Variants in ENTREP2 observed in about 807,000 individuals in gnomAD.
The protein encoded by ENTREP2 is protein ENTREP2.
At chr15:29,269,064 T>A in the ENTREP2 span, 1 of 1,614,068 alleles carries the variant, frequency 6.2e-7, no homozygotes, top group Non-Finnish European at 8.5e-7. Context: ...CTCCGAAAAT[T>A]AAATGCTTCT....
the ENTREP2 span, among the ~76,000 whole-genome samples, chr15:29,130,332 G>A: frequency 6.6e-6 from 1 of 152,200 alleles, no homozygotes; most frequent in Non-Finnish European, 1.5e-5. Context: ...GCACCCACCT[G>A]CTTTTTCACT....
At chr15:29,219,823 A>G in the ENTREP2 span, among the ~76,000 whole-genome samples, 1 of 151,398 alleles carries the variant, frequency 6.6e-6, no homozygotes, top group African/African-American at 2.4e-5. Flanking sequence ...ATGAGGATGC[A>G]AAGGTGTAAG....
the ENTREP2 span, chr15:29,268,769 G>T: frequency 8.9e-6 from 14 of 1,577,616 alleles, no homozygotes; most frequent in Non-Finnish European, 1.2e-5. Context: ...CCTTGTCCCG[G>T]GGGTCCCTCT....
chr15:29,145,582 C>T, the ENTREP2 span, among the ~76,000 whole-genome samples: 6 of 140,252 alleles, frequency 4.3e-5, no homozygotes, highest in Non-Finnish European at 1.5e-5. Flanking sequence ...GAGATTATAC[C>T]ACTGCACTCC....
At chr15:29,350,333 A>G in the ENTREP2 span, among the ~76,000 whole-genome samples, 1 of 152,022 alleles carries the variant, frequency 6.6e-6, no homozygotes, top group Non-Finnish European at 1.5e-5. Flanking sequence ...TCTTGTTTAT[A>G]TTATTTTCCT....
the ENTREP2 span, among the ~76,000 whole-genome samples, chr15:29,214,490 A>G: frequency 6.6e-6 from 1 of 152,220 alleles, no homozygotes; most frequent in Non-Finnish European, 1.5e-5. Context: ...CTGAACAATG[A>G]GAACACTTGG....
At chr15:29,478,197 A>G in the ENTREP2 span, among the ~76,000 whole-genome samples, 210 of 149,948 alleles carry the variant, frequency 1.4e-3, no homozygotes, top group Non-Finnish European at 2.4e-3. Context: ...GCTAATTTTT[A>G]TTGTATTTTT....
chr15:29,221,662 T>A, the ENTREP2 span, among the ~76,000 whole-genome samples: 1 of 151,054 alleles, frequency 6.6e-6, no homozygotes, highest in East Asian at 1.9e-4. Flanking sequence ...CTTCTGAGGC[T>A]CTTCTGTTAA....
At chr15:29,560,653 C>T in the ENTREP2 span, among the ~76,000 whole-genome samples, 8 of 152,058 alleles carry the variant, frequency 5.3e-5, no homozygotes, top group Non-Finnish European at 1.0e-4. Context: ...TGAGACTGGG[C>T]TACAGTCTCC....
the ENTREP2 span, chr15:29,269,232 C>A: frequency 6.2e-6 from 10 of 1,614,114 alleles, no homozygotes; most frequent in South Asian, 1.1e-4. Context: ...CCACAGGCTC[C>A]AGGGTGTTGA....
At chr15:29,505,675 G>A in the ENTREP2 span, among the ~76,000 whole-genome samples, 3 of 152,284 alleles carry the variant, frequency 2.0e-5, no homozygotes, top group Admixed American at 6.5e-5. The surrounding 1 kb of genome is among the most constrained non-coding windows in gnomAD (Gnocchi z 4.3). Context: ...CCTGATGACC[G>A]TTAGAAGGAA....
chr15:29,618,429 A>C, the ENTREP2 span, among the ~76,000 whole-genome samples: 4 of 152,008 alleles, frequency 2.6e-5, no homozygotes, highest in East Asian at 7.7e-4. Context: ...TCTCAAAAAA[A>C]AAAAAAAAAA....
the ENTREP2 span, among the ~76,000 whole-genome samples, chr15:29,423,158 A>T: frequency 4.6e-5 from 7 of 152,204 alleles, no homozygotes; most frequent in Non-Finnish European, 8.8e-5. Context: ...TCAACCCTGA[A>T]TAACCCCGCC....
At chr15:29,333,823 A>T in the ENTREP2 span, among the ~76,000 whole-genome samples, 1 of 152,040 alleles carries the variant, frequency 6.6e-6, no homozygotes, top group African/African-American at 2.4e-5. Context: ...GTCATATGAC[A>T]GTAGGGGAGG....
At chr15:29,395,736 G>A in the ENTREP2 span, among the ~76,000 whole-genome samples, 2 of 151,652 alleles carry the variant, frequency 1.3e-5, no homozygotes, top group South Asian at 2.1e-4. Context: ...GTTTCGCCAC[G>A]TTGCCCAGGC....
chr15:29,571,657 C>G, the ENTREP2 span, among the ~76,000 whole-genome samples: 1 of 152,132 alleles, frequency 6.6e-6, no homozygotes, highest in Non-Finnish European at 1.5e-5. Flanking sequence ...TTGCACAAAA[C>G]GAATTTAAAT....
the ENTREP2 span, among the ~76,000 whole-genome samples, chr15:29,390,598 T>C: frequency 6.6e-6 from 1 of 152,180 alleles, no homozygotes; most frequent in African/African-American, 2.4e-5. Flanking sequence ...TTCCTGCTGT[T>C]GAGGCTGATG....
chr15:29,286,716 T>A, the ENTREP2 span, among the ~76,000 whole-genome samples: 1 of 152,216 alleles, frequency 6.6e-6, no homozygotes, highest in Non-Finnish European at 1.5e-5. Context: ...CAGGAAAGGC[T>A]CAGCAGCCAG....
At chr15:29,667,318 G>T in the ENTREP2 span, among the ~76,000 whole-genome samples, 1 of 151,026 alleles carries the variant, frequency 6.6e-6, no homozygotes, top group African/African-American at 2.4e-5. Context: ...CTCCCGAGTA[G>T]CTGGGACTAC....
Sources: gnomAD v4.1 joint callset for allele counts (sites outside exome capture counted in the v4.1 genomes callset) on GRCh38, gnomAD v4.1.1 for gene constraint, Gnocchi (gnomAD v3.1) non-coding constraint, MANE v1.5 for transcripts, NCBI Gene and HGNC (gene_info 2026-07-23, HGNC 2026-07-21) for gene names.